The following PPFIA2 variants were observed in gnomAD, a reference collection of about 807,000 sequenced individuals.
PPFIA2 encodes liprin-alpha-2.
A neutral mutation model predicts 175.5 loss-of-function variants in PPFIA2; 46 were observed. The ratio of observed to expected loss-of-function variants is 0.26; its 90% CI spans 0.21 to 0.34. The LOEUF (loss-of-function observed/expected upper bound fraction) is 0.34, where lower values mean the gene tolerates loss of function less well. Ranked by LOEUF, PPFIA2 falls within the 10% of genes least tolerant of loss-of-function variation. The pLI is 1.00. For missense variants in PPFIA2, 1,179 were observed against 1,506.1 expected (o/e 0.78, Z 3.60); for synonymous variants, 568 against 511.4 (o/e 1.11, Z -1.49).
chr12:81,351,437 A>C (rs2059982659), intron 17 of PPFIA2, among the ~76,000 whole-genome samples: 1 of 152,128 alleles, frequency 6.6e-6, no homozygotes, highest in Non-Finnish European at 1.5e-5. Flanking sequence ...GATTTGTTAT[A>C]AACTTCAGCA....
rs144401915 is a variant in PPFIA2 at position 81,558,686 on chromosome 12, T to C, written c.304-100820A>G. Among the ~76,000 whole-genome samples the C allele has an allele frequency of 3.1e-3, 465 of 152,218 alleles. 3 individuals carry two copies. The highest frequency in any genetic ancestry group is 5.4e-3 in the Non-Finnish European group (369 of 67,996). On this transcript the variant is annotated intron_variant, in intron 4 of 32. Coordinates refer to ENST00000549396, the MANE Select transcript of PPFIA2 (RefSeq NM_003625.5). Reference sequence around the variant, plus strand: ...GGACTTCCAAGATATCTACAGGGACTTGAAAAATACTTGAAGAGGTGGCTA... The same window carrying C: ...GGACTTCCAAGATATCTACAGGGACCTGAAAAATACTTGAAGAGGTGGCTA...
intron 3 of PPFIA2, among the ~76,000 whole-genome samples, chr12:81,732,511 T>A (rs1487798014): frequency 9.5e-6 from 1 of 105,478 alleles, no homozygotes; most frequent in East Asian, 2.2e-4. Context: ...GATGTTTTTT[T>A]TTAAAAAAAA....
chr12:81,665,192 TA>T (rs2153555644), intron 4 of PPFIA2, among the ~76,000 whole-genome samples: 1 of 151,996 alleles, frequency 6.6e-6, no homozygotes, highest in African/African-American at 2.4e-5. Context: ...GTAATAAAAA[TA>T]AACGTGAAAA....
chr12:81,646,859 GAGGGAAGGAATGAAAGAAGGA>G (rs1027272350), intron 4 of PPFIA2, among the ~76,000 whole-genome samples: 8 of 151,698 alleles, frequency 5.3e-5, no homozygotes, highest in African/African-American at 1.9e-4. Flanking sequence ...TGGAAGGAAG[GAGGGAAGGAATGAAAGAAGGA>G]AGGGAAGGAG....
intron 3 of PPFIA2, among the ~76,000 whole-genome samples, chr12:81,732,564 TACAA>T (rs1331901535): frequency 6.7e-6 from 1 of 148,504 alleles, no homozygotes; most frequent in Admixed American, 6.7e-5. Context: ...CTAGTTTAGT[TACAA>T]ACAATGTGTA....
intron 4 of PPFIA2, among the ~76,000 whole-genome samples, chr12:81,573,839 C>T (rs1394797955): frequency 1.3e-5 from 2 of 151,812 alleles, no homozygotes; most frequent in African/African-American, 2.4e-5. Flanking sequence ...AAGCTTTTAT[C>T]GACTCCAAGG....
At chr12:81,698,943 A>G (rs2076197093) in intron 3 of PPFIA2, among the ~76,000 whole-genome samples, 1 of 152,126 alleles carries the variant, frequency 6.6e-6, no homozygotes, top group African/African-American at 2.4e-5. Context: ...ACTTTATTAT[A>G]AGCGTTGGTA....
At chr12:81,677,598 C>A (rs540594422) in intron 3 of PPFIA2, among the ~76,000 whole-genome samples, 1 of 151,914 alleles carries the variant, frequency 6.6e-6, no homozygotes, top group East Asian at 1.9e-4. Context: ...GAACAGGTGA[C>A]ATTTATCTTT....
chr12:81,632,648 A>AGG (rs1337834016), intron 4 of PPFIA2, among the ~76,000 whole-genome samples: 6 of 151,086 alleles, frequency 4.0e-5, no homozygotes, highest in Non-Finnish European at 2.9e-5. Flanking sequence ...ACCTTTCTTT[A>AGG]ACTCCTGGTA....
intron 4 of PPFIA2, among the ~76,000 whole-genome samples, chr12:81,624,582 TA>T (rs1567616407): frequency 6.8e-6 from 1 of 146,114 alleles, no homozygotes; most frequent in Non-Finnish European, 1.5e-5. Flanking sequence ...CCTGGACAAA[TA>T]TATATATATC....
intron 4 of PPFIA2, among the ~76,000 whole-genome samples, chr12:81,534,621 A>T (rs182579839): frequency 4.6e-5 from 7 of 151,710 alleles, no homozygotes; most frequent in Non-Finnish European, 5.9e-5. Flanking sequence ...TTCAAATTTA[A>T]CTCAAAAATT....
intron 4 of PPFIA2, among the ~76,000 whole-genome samples, chr12:81,478,632 G>A (rs1282561012): frequency 2.0e-5 from 3 of 152,038 alleles, no homozygotes; most frequent in Admixed American, 6.6e-5. Context: ...GTTCTTATTG[G>A]TTTCAAAGAA....
intron 7 of PPFIA2, among the ~76,000 whole-genome samples, chr12:81,428,475 T>C (rs931993376): frequency 1.3e-5 from 2 of 152,020 alleles, no homozygotes; most frequent in Non-Finnish European, 2.9e-5. Context: ...TTGATTTTTT[T>C]TGTCTGGGAA....
intron 4 of PPFIA2, among the ~76,000 whole-genome samples, chr12:81,484,658 C>A (rs1340388308): frequency 6.6e-6 from 1 of 151,794 alleles, no homozygotes; most frequent in East Asian, 1.9e-4. Context: ...TAGGCCAGAC[C>A]CTTATTCTAG....
At chr12:81,341,229 T>C (rs754753004) in intron 19 of PPFIA2, 21 bp from the exon 20 acceptor site, 143 of 1,607,050 alleles carry the variant, frequency 8.9e-5, no homozygotes, top group Non-Finnish European at 1.2e-4. Flanking sequence ...AAACAATACA[T>C]TCAAATAAAC....
intron 4 of PPFIA2, among the ~76,000 whole-genome samples, chr12:81,595,038 T>C (rs566954889): frequency 5.1e-4 from 78 of 152,144 alleles, no homozygotes; most frequent in African/African-American, 1.8e-3. Flanking sequence ...GTATTTAATT[T>C]CGAGGAAATG....
chr12:81,547,600 TACTG>T (rs895528545), intron 4 of PPFIA2, among the ~76,000 whole-genome samples: 14 of 152,016 alleles, frequency 9.2e-5, no homozygotes, highest in South Asian at 4.1e-4. Flanking sequence ...GTCTCGAACT[TACTG>T]ACTAAGTTTT....
chr12:81,457,847 T>C lies in PPFIA2; in HGVS notation c.323A>G (p.Lys108Arg), dbSNP rs755161708. Residue 108 changes from lysine (K) to arginine (R), a missense_variant, in exon 5 of 33, where the codon AAA becomes AGA. This residue lies in a region of PPFIA2 where 128 missense variants were observed against 141.4 expected (regional missense o/e 0.91). Coordinates refer to ENST00000549396, the MANE Select transcript of PPFIA2 (RefSeq NM_003625.5). ...TTGTTCCCTGCAGGCATTTAATTCT[T>C]TTGTCAGTGCAGCAAATTCCTGGAA... Reference protein sequence around the residue: ...ADPPEFAALTKELNACREQLL... With the variant: ...ADPPEFAALTRELNACREQLL... 6.2e-7 allele frequency: 1 copy of C among 1,605,210 alleles called. No individual in the cohort carries two copies. The highest frequency in any genetic ancestry group is 1.7e-5 in the Admixed American group (1 of 59,060).
intron 16 of PPFIA2, 134 bp downstream of exon 16, chr12:81,357,948 A>T (rs1301760112): frequency 3.2e-6 from 3 of 940,842 alleles, no homozygotes; most frequent in Admixed American, 3.3e-5. Flanking sequence ...TAGTTTTTTT[A>T]AAAATGTCAT....
Sources: allele counts gnomAD v4.1 joint callset (sites outside exome capture counted in the v4.1 genomes callset), GRCh38; gene constraint gnomAD v4.1.1; regional missense constraint gnomAD v4.1.1; transcripts MANE v1.5; gene names NCBI Gene and HGNC (gene_info 2026-07-23, HGNC 2026-07-21).